The following SPATA17 variants were observed in gnomAD, a reference collection of about 807,000 sequenced individuals.
The protein encoded by SPATA17 is spermatogenesis associated 17, also known as spermatogenesis-associated protein 17.
SPATA17 carries 53 observed loss-of-function variants against 62.2 expected under a neutral mutation model. That is an observed-to-expected ratio of 0.85 (90% CI 0.68 to 1.07). SPATA17 has a LOEUF of 1.07. Ranked by LOEUF, SPATA17 falls within the 50% of genes least tolerant of loss-of-function variation. The probability of loss-of-function intolerance (pLI) is 0.00; values close to 1 mark genes in which losing one functional copy is unlikely to be tolerated. For synonymous variants in SPATA17, 146 were observed against 146.8 expected (o/e 0.99, Z 0.04); for missense variants, 466 against 425.5 (o/e 1.10, Z -0.84).
intron 10 of SPATA17, 189 bp from the exon 11 acceptor site, chr1:217,866,833 G>C (rs1294160536): frequency 1.3e-5 from 2 of 149,208 alleles, no homozygotes; most frequent in African/African-American, 4.9e-5. Context: ...TCATGTTTCT[G>C]AAGTTCCTTT....
chr1:217,765,953 G>A (rs983763045), intron 6 of SPATA17, among the ~76,000 whole-genome samples: 1 of 152,014 alleles, frequency 6.6e-6, no homozygotes, highest in East Asian at 1.9e-4. Flanking sequence ...TAAGTCTGCT[G>A]TACCTGAAAT....
rs747490210 is a variant in SPATA17 at position 217,631,358 on chromosome 1, TA to T, written c.-18del. 6.2e-7 allele frequency: 1 copy of T among 1,614,050 alleles called. No individual in the cohort carries two copies. The highest frequency in any genetic ancestry group is 1.1e-5 in the South Asian group (1 of 91,072). On this transcript the variant is annotated 5_prime_UTR_variant, in exon 1 of 11. Transcript: ENST00000366933. ...TGGAGACCGGTAGTAACACCAGTTG[TA>T]AACCCAAGGCCAAGAGACCATGGCC...
In SPATA17 at chr1:217,792,846, G is replaced by A. The variant is rs751958616; in HGVS notation, c.873-8872G>A. On this transcript the variant is annotated intron_variant, in intron 8 of 10. Coordinates refer to ENST00000366933, the MANE Select transcript of SPATA17 (RefSeq NM_138796.4). ...GATTGAGGAGAGCAGAGGCAGGAAC[G>A]TCCTCTCATGCCCTGACTTGATGGC... Among the ~76,000 whole-genome samples, 14 of 152,216 alleles carry A rather than the reference G, an allele frequency of 9.2e-5. No homozygotes were observed. In the East Asian group the frequency reaches 1.2e-3, roughly 13 times the overall value.
At chr1:217,748,757 A>C (rs1672827789) in intron 6 of SPATA17, among the ~76,000 whole-genome samples, 1 of 152,048 alleles carries the variant, frequency 6.6e-6, no homozygotes. Flanking sequence ...AAAAAAAAAA[A>C]AAAAAACTTT....
chr1:217,640,084 TATA>T (rs1670025121), intron 1 of SPATA17, among the ~76,000 whole-genome samples: 1 of 150,078 alleles, frequency 6.7e-6, no homozygotes, highest in African/African-American at 2.4e-5. Context: ...ATAATTTATT[TATA>T]ATATTTAAAA....
intron 7 of SPATA17, among the ~76,000 whole-genome samples, chr1:217,778,617 T>A (rs993048637): frequency 2.0e-5 from 3 of 152,176 alleles, no homozygotes; most frequent in African/African-American, 7.2e-5. Context: ...TGCATACAAC[T>A]TTTTAGGAAA....
intron 8 of SPATA17, among the ~76,000 whole-genome samples, chr1:217,790,016 TGACA>T (rs559150336): frequency 2.0e-3 from 301 of 152,272 alleles, no homozygotes; most frequent in Non-Finnish European, 3.1e-3. Flanking sequence ...CCAGCCTGGG[TGACA>T]GAGCGAGACG....
At chr1:217,827,082 A>T (rs1675016792) in intron 9 of SPATA17, among the ~76,000 whole-genome samples, 1 of 152,032 alleles carries the variant, frequency 6.6e-6, no homozygotes. Flanking sequence ...TCTCATTTAA[A>T]ATTTATACAT....
rs1383716993 is a variant in SPATA17 at position 217,862,773 on chromosome 1, G to A, written c.1006-1G>A. 1 of 1,598,230 alleles carries A rather than the reference G, an allele frequency of 6.3e-7. No homozygotes were observed. ...GTAATCTTTGAACTTTTTCCTCCTAGGATTTCCAGACTGTATTACCATCAT... is the reference window on the plus strand; with the variant it reads ...GTAATCTTTGAACTTTTTCCTCCTAAGATTTCCAGACTGTATTACCATCAT... On this transcript the variant is annotated splice_acceptor_variant, in intron 9 of 10. Transcript: ENST00000366933. LOFTEE classifies it high-confidence loss of function.
intron 9 of SPATA17, among the ~76,000 whole-genome samples, chr1:217,831,459 T>C (rs189445084): frequency 7.6e-4 from 116 of 152,242 alleles, no homozygotes; most frequent in Non-Finnish European, 1.0e-3. Context: ...TGCCAAATAC[T>C]AGGGAAGCAT....
chr1:217,742,216 T>C (rs761055120), intron 6 of SPATA17, 118 bp downstream of exon 6: 7 of 1,331,084 alleles, frequency 5.3e-6, no homozygotes, highest in Non-Finnish European at 6.2e-6. Flanking sequence ...AAGACACTAC[T>C]TCGAGTTCAA....
At chr1:217,823,715 G>A (rs1285534227) in intron 9 of SPATA17, among the ~76,000 whole-genome samples, 1 of 152,020 alleles carries the variant, frequency 6.6e-6, no homozygotes, top group East Asian at 1.9e-4. Flanking sequence ...GGGTGCTGAA[G>A]TCTCCTGTTG....
intron 8 of SPATA17, among the ~76,000 whole-genome samples, chr1:217,785,684 G>A (rs1299162179): frequency 3.9e-5 from 6 of 152,162 alleles, no homozygotes. Flanking sequence ...GGTACTGGGT[G>A]TTAGGAATTC....
intron 9 of SPATA17, among the ~76,000 whole-genome samples, chr1:217,856,328 A>T (rs897854771): frequency 1.3e-5 from 2 of 152,160 alleles, no homozygotes; most frequent in Non-Finnish European, 2.9e-5. Context: ...TCATACTTTC[A>T]GGTTATTTTA....
intron 9 of SPATA17, among the ~76,000 whole-genome samples, chr1:217,851,116 A>G (rs963298892): frequency 6.6e-6 from 1 of 152,056 alleles, no homozygotes; most frequent in Admixed American, 6.5e-5. Context: ...TTTTCTTTTT[A>G]CTTCTGTTAC....
chr1:217,827,833 G>A (rs1437055411), intron 9 of SPATA17, among the ~76,000 whole-genome samples: 1 of 152,116 alleles, frequency 6.6e-6, no homozygotes, highest in Admixed American at 6.5e-5. Context: ...GCTGAACAAT[G>A]AGAACACATG....
In SPATA17 at chr1:217,631,804, G is replaced by T. The variant is rs113172269; in HGVS notation, c.68+358G>T. ...CACTAGCCCAATGAACTCAGATTGT[G>T]TCCCATCTACCTAGGGATTTGAGCC... On this transcript the variant is annotated intron_variant, in intron 1 of 10. Coordinates refer to ENST00000366933, the MANE Select transcript of SPATA17 (RefSeq NM_138796.4). Among the ~76,000 whole-genome samples, 47 of 152,302 alleles carry T rather than the reference G, an allele frequency of 3.1e-4. 1 individual carries two copies. Among genetic ancestry groups the T allele is most frequent in the African/African-American group, 9.6e-4 (40 of 41,580 alleles).
intron 1 of SPATA17, among the ~76,000 whole-genome samples, chr1:217,637,115 G>A (rs1669960229): frequency 6.6e-6 from 1 of 152,088 alleles, no homozygotes. Context: ...AGTGCATGGG[G>A]ATAGAGAAAA....
At chr1:217,704,482 C>T (rs1197478089) in intron 5 of SPATA17, among the ~76,000 whole-genome samples, 4 of 150,946 alleles carry the variant, frequency 2.6e-5, no homozygotes, top group Admixed American at 2.6e-4. Context: ...GATCTCCTGA[C>T]CTCATGATCC....
Sources: gnomAD v4.1 joint callset for allele counts (sites outside exome capture counted in the v4.1 genomes callset) on GRCh38, gnomAD v4.1.1 for gene constraint, MANE v1.5 for transcripts, NCBI Gene and HGNC (gene_info 2026-07-23, HGNC 2026-07-21) for gene names.